Variants in SLC35A1 observed in about 807,000 individuals in gnomAD.
The protein encoded by SLC35A1 is solute carrier family 35 member A1.
A neutral mutation model predicts 40.3 loss-of-function variants in SLC35A1; 21 were observed. The ratio of observed to expected loss-of-function variants is 0.52; its 90% CI spans 0.37 to 0.75. The LOEUF (loss-of-function observed/expected upper bound fraction) is 0.75. Among genes scored for constraint, SLC35A1 ranks in the 30% least tolerant of loss-of-function variants. The pLI is 0.00. For synonymous variants in SLC35A1, 146 were observed against 147.3 expected (o/e 0.99, Z 0.06); for missense variants, 297 against 382.1 (o/e 0.78, Z 1.86).
At chr6:87,508,922 A>C (rs1184169209) in intron 6 of SLC35A1, 119 bp from the exon 7 acceptor site, 9 of 1,113,606 alleles carry the variant, frequency 8.1e-6, no homozygotes, top group Non-Finnish European at 1.2e-5. Flanking sequence ...CTTCTAAGGA[A>C]AACAGTATTT....
chr6:87,483,444 A>C (rs1005809303), intron 2 of SLC35A1, among the ~76,000 whole-genome samples: 2 of 151,896 alleles, frequency 1.3e-5, no homozygotes, highest in Non-Finnish European at 2.9e-5. Context: ...CACAATGGGG[A>C]TTTCTCACCT....
chr6:87,502,482 C>G (rs955051187), intron 4 of SLC35A1, among the ~76,000 whole-genome samples: 4 of 152,180 alleles, frequency 2.6e-5, no homozygotes, highest in Admixed American at 2.6e-4. Flanking sequence ...AGACTACTTA[C>G]TACACATCTA....
At chr6:87,497,052 A>T (rs1769752420) in intron 2 of SLC35A1, among the ~76,000 whole-genome samples, 1 of 152,108 alleles carries the variant, frequency 6.6e-6, no homozygotes, top group Admixed American at 6.6e-5. Flanking sequence ...ATTTAACCTG[A>T]TTAATACTGA....
intron 2 of SLC35A1, among the ~76,000 whole-genome samples, chr6:87,496,969 T>C: frequency 6.6e-6 from 1 of 152,248 alleles, no homozygotes; most frequent in Non-Finnish European, 1.5e-5. Flanking sequence ...GTTACTTTTA[T>C]GTAACTTCAG....
At chr6:87,508,202 ATTAG>A (rs959810489) in intron 5 of SLC35A1, among the ~76,000 whole-genome samples, 2 of 152,146 alleles carry the variant, frequency 1.3e-5, no homozygotes, top group African/African-American at 4.8e-5. Context: ...AAACTTCCCA[ATTAG>A]TTATTATTCT....
At chr6:87,498,857 CATT>C (rs1769826749) in intron 2 of SLC35A1, among the ~76,000 whole-genome samples, 1 of 152,136 alleles carries the variant, frequency 6.6e-6, no homozygotes, top group African/African-American at 2.4e-5. Flanking sequence ...AAAAGGCAAA[CATT>C]AGTTTAAAGA....
chr6:87,501,001 C>G (rs1439608373), intron 3 of SLC35A1, among the ~76,000 whole-genome samples, 157 bp from the exon 4 acceptor site: 2 of 152,142 alleles, frequency 1.3e-5, no homozygotes, highest in East Asian at 3.8e-4. Flanking sequence ...CCACCCGCCT[C>G]GGCCTCCCAA....
chr6:87,473,182 C>CA (rs1346583103), intron 1 of SLC35A1, among the ~76,000 whole-genome samples, 163 bp downstream of exon 1: 1 of 152,222 alleles, frequency 6.6e-6, no homozygotes, highest in African/African-American at 2.4e-5. Context: ...TCCCGGCAGT[C>CA]AGGGCAGCCT....
rs148607040 is a variant in SLC35A1 at position 87,511,545 on chromosome 6, C to A, written c.*19C>A. On this transcript the variant is annotated 3_prime_UTR_variant, in exon 8 of 8. Transcript: ENST00000369552. ...TGTGTGATTTTAGCCTCACGTGAGA[C>A]TCCTTTTAAGACTAAACCATTTGCA... 11 of 1,613,194 alleles carry A rather than the reference C, an allele frequency of 6.8e-6. No homozygotes were observed. Among genetic ancestry groups the A allele is most frequent in the Middle Eastern group, 1.6e-4 (1 of 6,078 alleles).
chr6:87,507,210 G>T (rs1770112830), intron 5 of SLC35A1: 1 of 152,050 alleles, frequency 6.6e-6, no homozygotes, highest in Non-Finnish European at 1.5e-5. Context: ...TTTCAAGTCA[G>T]GACTATTTTT....
chr6:87,508,544 T>G lies in SLC35A1; in HGVS notation c.699T>G (p.Ile233Met), dbSNP rs150233994. ...AGVYLSDGAE[I>M]KEKGFFYGYT... ...TCTACTTGTCAGATGGAGCTGAAAT[T>G]AAAGAAAAAGGATTTTTCTATGGTT... The change falls in exon 6 of 8, where the codon ATT (isoleucine) becomes ATG (methionine). Residue 233 changes from isoleucine to methionine, a missense_variant. Transcript: ENST00000369552. The G allele has an allele frequency of 4.4e-5, 71 of 1,613,126 alleles. No homozygotes were observed. The highest frequency in any genetic ancestry group is 5.9e-5 in the Non-Finnish European group (70 of 1,179,586).
intron 1 of SLC35A1, among the ~76,000 whole-genome samples, chr6:87,476,303 T>G (rs910842131): frequency 1.6e-4 from 25 of 152,242 alleles, no homozygotes; most frequent in African/African-American, 6.0e-4. Flanking sequence ...TGTGAAAAAG[T>G]TTTATATTAA....
chr6:87,491,883 C>T (rs770208383), intron 2 of SLC35A1, among the ~76,000 whole-genome samples: 5 of 152,174 alleles, frequency 3.3e-5, no homozygotes, highest in Non-Finnish European at 7.3e-5. Flanking sequence ...CCTCACTAAA[C>T]CTAAGACCCT....
At chr6:87,509,838 T>C (rs188678544) in intron 7 of SLC35A1, among the ~76,000 whole-genome samples, 3 of 152,334 alleles carry the variant, frequency 2.0e-5, no homozygotes, top group Admixed American at 1.3e-4. Flanking sequence ...GCAATGATAT[T>C]GACTTAACAT....
chr6:87,494,981 T>G (rs1769676252), intron 2 of SLC35A1, among the ~76,000 whole-genome samples: 1 of 152,094 alleles, frequency 6.6e-6, no homozygotes, highest in African/African-American at 2.4e-5. Context: ...GTCAACTTTT[T>G]TTTTTTGAGA....
intron 7 of SLC35A1, among the ~76,000 whole-genome samples, chr6:87,509,609 C>T (rs1410730884): frequency 1.3e-5 from 2 of 152,126 alleles, no homozygotes; most frequent in African/African-American, 4.8e-5. Flanking sequence ...TTAGTCCTCC[C>T]TCAGCTTGTA....
chr6:87,497,863 G>A (rs1227919218), intron 2 of SLC35A1, among the ~76,000 whole-genome samples: 2 of 151,832 alleles, frequency 1.3e-5, no homozygotes, highest in Non-Finnish European at 2.9e-5. Flanking sequence ...TGCGTAGCTG[G>A]GATGATAGGC....
At chr6:87,495,536 A>G (rs188058909) in intron 2 of SLC35A1, among the ~76,000 whole-genome samples, 2 of 152,256 alleles carry the variant, frequency 1.3e-5, no homozygotes, top group East Asian at 3.9e-4. Context: ...TTTTGTACCC[A>G]TGCTATAATG....
At chr6:87,509,442 C>A (rs1326462730) in intron 7 of SLC35A1, among the ~76,000 whole-genome samples, 1 of 152,026 alleles carries the variant, frequency 6.6e-6, no homozygotes, top group Non-Finnish European at 1.5e-5. Flanking sequence ...GCAGTCAAGG[C>A]CTCCCTGTAT....
Sources: allele counts gnomAD v4.1 joint callset (sites outside exome capture counted in the v4.1 genomes callset), GRCh38; gene constraint gnomAD v4.1.1; transcripts MANE v1.5; gene names NCBI Gene and HGNC (gene_info 2026-07-23, HGNC 2026-07-21).